TMTC1: variants seen among roughly 807,000 people sequenced by gnomAD.
The protein encoded by TMTC1 is protein O-mannosyl-transferase TMTC1.
Under a neutral mutation model 104.8 loss-of-function variants are expected in TMTC1, and 73 were observed. The observed-to-expected ratio is 0.70, with a 90% confidence interval of 0.58 to 0.85. TMTC1 has a LOEUF of 0.85. TMTC1 is among the 40% of genes least tolerant of loss of function. The pLI, the probability that TMTC1 is intolerant of heterozygous loss-of-function variation, is 0.00. For missense variants in TMTC1, 1,035 were observed against 1,096.1 expected, an observed-to-expected ratio of 0.94 and a Z score of 0.79; for synonymous variants, 434 against 428.7, an observed-to-expected ratio of 1.01 and a Z score of -0.15.
intron 8 of TMTC1, among the ~76,000 whole-genome samples, chr12:29,573,890 C>A (rs892419070): frequency 2.6e-5 from 4 of 151,916 alleles, no homozygotes; most frequent in Admixed American, 1.3e-4. Context: ...AAGTGAGGGA[C>A]AGGGTAGCAA....
At chr12:29,550,890 C>T (rs1389934490) in intron 10 of TMTC1, among the ~76,000 whole-genome samples, 1 of 132,752 alleles carries the variant, frequency 7.5e-6, no homozygotes, top group African/African-American at 3.1e-5. Flanking sequence ...AGGGAGATTG[C>T]ATCACTGCAC....
chr12:29,593,638 A>G (rs1199619018), intron 7 of TMTC1, among the ~76,000 whole-genome samples: 2 of 152,240 alleles, frequency 1.3e-5, no homozygotes, highest in Non-Finnish European at 2.9e-5. Context: ...CAGGGACACA[A>G]ACAAGCGCTT....
chr12:29,669,563 T>A (rs12316649), intron 5 of TMTC1, among the ~76,000 whole-genome samples: 4 of 152,198 alleles, frequency 2.6e-5, no homozygotes, highest in Non-Finnish European at 5.9e-5. Context: ...AGATACCAGA[T>A]GTAGAAACAA....
chr12:29,748,727 T>C (rs960447295), intron 5 of TMTC1, among the ~76,000 whole-genome samples: 3 of 152,214 alleles, frequency 2.0e-5, no homozygotes, highest in Non-Finnish European at 4.4e-5. Context: ...TTCCCCCTAC[T>C]GAGGGACCTT....
chr12:29,752,745 C>G (rs937986061), intron 4 of TMTC1, among the ~76,000 whole-genome samples: 1 of 151,584 alleles, frequency 6.6e-6, no homozygotes, highest in Non-Finnish European at 1.5e-5. Flanking sequence ...GCAAGTGATA[C>G]CATTTATGTA....
chr12:29,740,723 C>T (rs981433499), intron 5 of TMTC1, among the ~76,000 whole-genome samples: 5 of 152,156 alleles, frequency 3.3e-5, no homozygotes, highest in African/African-American at 9.7e-5. Flanking sequence ...GATCTTACCT[C>T]GGCCTTCCAT....
At chr12:29,663,685 A>AT (rs1940139974) in intron 5 of TMTC1, among the ~76,000 whole-genome samples, 1 of 137,318 alleles carries the variant, frequency 7.3e-6, no homozygotes, top group Non-Finnish European at 1.6e-5. Context: ...CCTGGCTAAT[A>AT]TTTGTACTTT....
intron 6 of TMTC1, among the ~76,000 whole-genome samples, chr12:29,606,538 C>T (rs1946703638): frequency 6.6e-6 from 1 of 152,178 alleles, no homozygotes; most frequent in East Asian, 1.9e-4. Context: ...TAGTTGATTA[C>T]TTCTTTTCAT....
intron 6 of TMTC1, among the ~76,000 whole-genome samples, chr12:29,622,958 G>C (rs1264166404): frequency 6.6e-6 from 1 of 152,184 alleles, no homozygotes; most frequent in Non-Finnish European, 1.5e-5. Context: ...TAAATTCATT[G>C]TGTGGTTATT....
At chr12:29,570,754 G>C (rs1407801862) in intron 9 of TMTC1, among the ~76,000 whole-genome samples, 2 of 152,146 alleles carry the variant, frequency 1.3e-5, no homozygotes, top group Non-Finnish European at 2.9e-5. Context: ...TGAGGCAGGA[G>C]AATCACTTGA....
At chr12:29,625,764 T>C (rs550101366) in intron 6 of TMTC1, among the ~76,000 whole-genome samples, 2 of 152,276 alleles carry the variant, frequency 1.3e-5, no homozygotes, top group South Asian at 4.1e-4. Context: ...AGAGCTTATG[T>C]TTAACACACT....
At chr12:29,750,518 C>T (rs1356844834) in intron 5 of TMTC1, among the ~76,000 whole-genome samples, 1 of 152,048 alleles carries the variant, frequency 6.6e-6, no homozygotes, top group Non-Finnish European at 1.5e-5. Flanking sequence ...CTTGTCAGCC[C>T]CTCAACAGAT....
At chr12:29,605,413 G>A (rs1408737456) in intron 6 of TMTC1, among the ~76,000 whole-genome samples, 1 of 151,686 alleles carries the variant, frequency 6.6e-6, no homozygotes, top group Non-Finnish European at 1.5e-5. Flanking sequence ...ATTTCTGAGA[G>A]TGATTCCATA....
chr12:29,621,944 C>T (rs1937695488), intron 6 of TMTC1, among the ~76,000 whole-genome samples: 1 of 152,170 alleles, frequency 6.6e-6, no homozygotes, highest in Admixed American at 6.5e-5. Context: ...TTTTTCCCCA[C>T]ATGGACATGA....
intron 6 of TMTC1, among the ~76,000 whole-genome samples, chr12:29,624,984 T>C (rs1425532190): frequency 6.6e-6 from 1 of 152,202 alleles, no homozygotes. Context: ...TGCATACGCT[T>C]GTTTATTCAG....
intron 2 of TMTC1, among the ~76,000 whole-genome samples, chr12:29,767,494 T>C (rs1483792501): frequency 6.6e-6 from 1 of 152,162 alleles, no homozygotes; most frequent in Non-Finnish European, 1.5e-5. Flanking sequence ...ATGGTAAGTG[T>C]CTCGAATGGC....
chr12:29,573,319 C>T (rs943865144), intron 8 of TMTC1, among the ~76,000 whole-genome samples: 4 of 152,172 alleles, frequency 2.6e-5, no homozygotes, highest in African/African-American at 9.7e-5. Context: ...CAAGCAGAAT[C>T]ATTAAAAAGG....
intron 5 of TMTC1, among the ~76,000 whole-genome samples, chr12:29,649,229 G>C (rs1939409231): frequency 1.3e-5 from 2 of 152,078 alleles, no homozygotes; most frequent in Admixed American, 1.3e-4. Flanking sequence ...GAAAACTTCT[G>C]ACTCTTGTTC....
At chr12:29,586,501 C>T (rs1322553951) in intron 7 of TMTC1, among the ~76,000 whole-genome samples, 4 of 152,118 alleles carry the variant, frequency 2.6e-5, no homozygotes, top group Non-Finnish European at 5.9e-5. Context: ...AGAGGACATC[C>T]CTGTCTTGTG....
Sources: allele counts gnomAD v4.1 joint callset (sites outside exome capture counted in the v4.1 genomes callset), GRCh38; gene constraint gnomAD v4.1.1; transcripts MANE v1.5; gene names NCBI Gene and HGNC (gene_info 2026-07-23, HGNC 2026-07-21).